The following ROBO2 variants were observed in gnomAD, a reference collection of about 807,000 sequenced individuals.
ROBO2 encodes roundabout guidance receptor 2.
A neutral mutation model predicts 160.8 loss-of-function variants in ROBO2; 53 were observed. The observed-to-expected ratio is 0.33, with a 90% confidence interval of 0.26 to 0.41. The LOEUF is 0.41. ROBO2 is among the 10% of genes least tolerant of loss of function. ROBO2 has a pLI of 1.00. For missense variants in ROBO2, 1,577 were observed against 1,722.4 expected, an observed-to-expected ratio of 0.92 and a Z score of 1.49; for synonymous variants, 664 against 611.7, an observed-to-expected ratio of 1.09 and a Z score of -1.26.
intron 2 of ROBO2, among the ~76,000 whole-genome samples, chr3:77,352,418 A>G (rs916525712): frequency 6.6e-6 from 1 of 152,156 alleles, no homozygotes; most frequent in Non-Finnish European, 1.5e-5. Flanking sequence ...GTCTATACAC[A>G]GCAGCATCAG....
At chr3:76,477,093 G>T (rs79430888) in intron 2 of ROBO2, among the ~76,000 whole-genome samples, 1 of 152,102 alleles carries the variant, frequency 6.6e-6, no homozygotes, top group Non-Finnish European at 1.5e-5. Context: ...CTCCGTGGAG[G>T]TGTCTATGAA....
chr3:77,612,899 G>A (rs1278302361), intron 21 of ROBO2, among the ~76,000 whole-genome samples: 1 of 152,088 alleles, frequency 6.6e-6, no homozygotes, highest in Non-Finnish European at 1.5e-5. Flanking sequence ...CTTGCAGTGA[G>A]CCGAGATCGC....
chr3:76,818,696 C>T (rs2065886728), intron 2 of ROBO2, among the ~76,000 whole-genome samples: 1 of 152,008 alleles, frequency 6.6e-6, no homozygotes, highest in Admixed American at 6.6e-5. Context: ...TATCCAGGCA[C>T]CATTTGTTGA....
chr3:76,436,181 C>CACACACACACACACACACACACA (rs1559941598), intron 2 of ROBO2, among the ~76,000 whole-genome samples: 25 of 151,342 alleles, frequency 1.7e-4, no homozygotes, highest in East Asian at 5.9e-4. Context: ...CACACACACA[C>CACACACACACACACACACACACA]CATTTCTTTT....
intron 2 of ROBO2, among the ~76,000 whole-genome samples, chr3:77,155,977 C>T (rs955574395): frequency 2.0e-5 from 3 of 151,958 alleles, no homozygotes; most frequent in Non-Finnish European, 2.9e-5. Flanking sequence ...CTCAGGAGCT[C>T]TCATCTGTGG....
chr3:76,824,034 G>A (rs2109187297), intron 2 of ROBO2, among the ~76,000 whole-genome samples: 1 of 152,190 alleles, frequency 6.6e-6, no homozygotes, highest in African/African-American at 2.4e-5. Flanking sequence ...AGTCTTTCAG[G>A]GGCCATGATC....
At chr3:76,427,602 T>C (rs2076272586) in intron 2 of ROBO2, among the ~76,000 whole-genome samples, 1 of 152,182 alleles carries the variant, frequency 6.6e-6, no homozygotes, top group African/African-American at 2.4e-5. Context: ...ATTCTATACA[T>C]TACCAATTCA....
intron 2 of ROBO2, among the ~76,000 whole-genome samples, chr3:77,356,560 T>C (rs938167813): frequency 6.6e-6 from 1 of 152,182 alleles, no homozygotes; most frequent in Admixed American, 6.6e-5. Flanking sequence ...GAGGCCTCTA[T>C]AACAAAAGGC....
chr3:76,843,175 G>A (rs1280719407), intron 2 of ROBO2, among the ~76,000 whole-genome samples: 2 of 150,228 alleles, frequency 1.3e-5, no homozygotes, highest in Admixed American at 1.3e-4. Context: ...CCCTAATGAT[G>A]TTTTGTTATA....
At chr3:77,216,341 G>A (rs2084942741) in intron 2 of ROBO2, among the ~76,000 whole-genome samples, 1 of 152,156 alleles carries the variant, frequency 6.6e-6, no homozygotes, top group Admixed American at 6.5e-5. Flanking sequence ...TGCTAGCAAT[G>A]AGCAAGACTC....
At chr3:76,901,858 T>C (rs766495732) in intron 2 of ROBO2, among the ~76,000 whole-genome samples, 3 of 152,014 alleles carry the variant, frequency 2.0e-5, no homozygotes, top group Non-Finnish European at 4.4e-5. Context: ...TTTTTCTTCT[T>C]ATTTAGTTTG....
chr3:76,843,710 G>T (rs1022248134), intron 2 of ROBO2, among the ~76,000 whole-genome samples: 2 of 151,872 alleles, frequency 1.3e-5, no homozygotes, highest in Admixed American at 1.3e-4. Flanking sequence ...AGAATCTGGG[G>T]TCGCTCACCA....
chr3:77,445,794 G>GTTTTTTTTTTTTTTTTTT (rs199914360), intron 2 of ROBO2, among the ~76,000 whole-genome samples: 1 of 123,076 alleles, frequency 8.1e-6, no homozygotes, highest in African/African-American at 3.2e-5. Context: ...GTTTTTTTTT[G>GTTTTTTTTTTTTTTTTTT]TTTTTTTTTT....
chr3:77,295,784 G>A (rs1388341398), intron 2 of ROBO2, among the ~76,000 whole-genome samples: 2 of 149,510 alleles, frequency 1.3e-5, no homozygotes, highest in South Asian at 2.2e-4. Flanking sequence ...TAAAATTGAT[G>A]TTTAAATGGG....
intron 2 of ROBO2, among the ~76,000 whole-genome samples, chr3:77,255,172 C>G (rs2090789640): frequency 6.6e-6 from 1 of 151,976 alleles, no homozygotes; most frequent in Non-Finnish European, 1.5e-5. Flanking sequence ...CTCAGAGGAA[C>G]AAAAATCTAT....
At chr3:77,198,416 G>C (rs2082506191) in intron 2 of ROBO2, among the ~76,000 whole-genome samples, 2 of 152,106 alleles carry the variant, frequency 1.3e-5, no homozygotes, top group Non-Finnish European at 2.9e-5. Flanking sequence ...TGAAAAAGCA[G>C]TTGGCTGATT....
chr3:77,265,614 A>G (rs2059073153), intron 2 of ROBO2, among the ~76,000 whole-genome samples: 1 of 152,242 alleles, frequency 6.6e-6, no homozygotes, highest in South Asian at 2.1e-4. Context: ...ATTAGATATG[A>G]TTCATATCAT....
chr3:77,262,625 GA>G, intron 2 of ROBO2, among the ~76,000 whole-genome samples: 1 of 152,138 alleles, frequency 6.6e-6, no homozygotes, highest in Middle Eastern at 3.4e-3. Context: ...TCTTGCGCAT[GA>G]GTGCACACAC....
At chr3:77,610,741 CAAAAAAAAAAAA>C (rs71629658) in intron 21 of ROBO2, among the ~76,000 whole-genome samples, 2 of 19,826 alleles carry the variant, frequency 1.0e-4, no homozygotes, top group Admixed American at 2.0e-3. Context: ...GGCCAAAGAC[CAAAAAAAAAAAA>C]AAAAAAAAAA....
Sources: allele counts gnomAD v4.1 joint callset (sites outside exome capture counted in the v4.1 genomes callset), GRCh38; gene constraint gnomAD v4.1.1; transcripts MANE v1.5; gene names NCBI Gene and HGNC (gene_info 2026-07-23, HGNC 2026-07-21).